The following FARP1 variants were observed in gnomAD, a reference collection of about 807,000 sequenced individuals.
The protein encoded by FARP1 is FERM, ARH/RhoGEF and pleckstrin domain protein 1.
FARP1 carries 52 observed loss-of-function variants against 128.8 expected under a neutral mutation model. That is an observed-to-expected ratio of 0.40 (90% CI 0.32 to 0.51). The LOEUF (loss-of-function observed/expected upper bound fraction) is 0.51, where lower values mean the gene tolerates loss of function less well. Among genes scored for constraint, FARP1 ranks in the 20% least tolerant of loss-of-function variants. FARP1 has a pLI of 0.45. For synonymous variants in FARP1, 580 were observed against 551.8 expected, an observed-to-expected ratio of 1.05 and a Z score of -0.72; for missense variants, 1,333 against 1,367.9, an observed-to-expected ratio of 0.97 and a Z score of 0.40.
chr13:98,424,739 C>T, intron 17 of FARP1, 89 bp downstream of exon 17: 1 of 857,346 alleles, frequency 1.2e-6, no homozygotes, highest in Non-Finnish European at 2.0e-6. Context: ...CCATTTCCAT[C>T]AGCATGCATC....
At chr13:98,338,756 T>A (rs1887843700) in intron 2 of FARP1, 1 of 152,172 alleles carries the variant, frequency 6.6e-6, no homozygotes, top group East Asian at 1.9e-4. Context: ...GCTGCACCAT[T>A]TTGCATTCTG....
intron 3 of FARP1, among the ~76,000 whole-genome samples, chr13:98,360,034 G>T (rs1223425546): frequency 6.7e-6 from 1 of 149,538 alleles, no homozygotes; most frequent in Non-Finnish European, 1.5e-5. Context: ...AATTGTGTGT[G>T]TTGAAACCCT....
chr13:98,227,143 T>C (rs1594294219), intron 2 of FARP1, among the ~76,000 whole-genome samples: 1 of 152,202 alleles, frequency 6.6e-6, no homozygotes, highest in East Asian at 1.9e-4. Flanking sequence ...GGGGTTTCAC[T>C]GTGTTAGTCA....
chr13:98,335,781 G>A (rs536530497), intron 2 of FARP1, among the ~76,000 whole-genome samples: 21 of 152,320 alleles, frequency 1.4e-4, no homozygotes, highest in Admixed American at 1.2e-3. Context: ...GCCCTAAGAT[G>A]AGATGGGTCG....
chr13:98,210,881 A>G (rs116558855), intron 1 of FARP1, among the ~76,000 whole-genome samples: 2,679 of 152,220 alleles, frequency 0.018, 71 homozygotes, highest in African/African-American at 0.061. Context: ...CTTGGTAGCT[A>G]ACCATTTTTA....
At position 98,390,132 on chromosome 13, in the gene FARP1, A is replaced by G; in HGVS notation, c.1019+12A>G. The G allele has an allele frequency of 1.2e-6, 2 of 1,610,748 alleles. No homozygotes were observed. Among genetic ancestry groups the G allele is most frequent in the Non-Finnish European group, 8.5e-7 (1 of 1,178,416 alleles). On this transcript the variant is annotated intron_variant, in intron 10 of 26. Coordinates refer to ENST00000319562, the MANE Select transcript of FARP1 (RefSeq NM_005766.4). ...TCATTTCGGTTCAGGTGAGGTCGCC[A>G]CTTTGTGCCTCTGTTTGCTGGGTGC...
At chr13:98,291,495 C>T (rs775820331) in intron 2 of FARP1, among the ~76,000 whole-genome samples, 16 of 152,124 alleles carry the variant, frequency 1.1e-4, no homozygotes, top group Non-Finnish European at 1.5e-4. Flanking sequence ...TGCTTTCCAT[C>T]GTGGGCAGAG....
chr13:98,233,309 C>G (rs952236), intron 2 of FARP1, among the ~76,000 whole-genome samples: 4,189 of 152,254 alleles, frequency 0.028, 80 homozygotes, highest in Middle Eastern at 0.051. Context: ...GACCTTGATG[C>G]CTGTCAGCCA....
intron 1 of FARP1, among the ~76,000 whole-genome samples, chr13:98,167,895 G>A (rs1002933973): frequency 3.4e-5 from 5 of 149,004 alleles, no homozygotes; most frequent in Admixed American, 2.7e-4. Flanking sequence ...CATGCTGGCC[G>A]GGTGCGGTGG....
chr13:98,367,626 C>T (rs1445599850), intron 4 of FARP1, among the ~76,000 whole-genome samples: 2 of 152,036 alleles, frequency 1.3e-5, no homozygotes, highest in Non-Finnish European at 2.9e-5. Context: ...CCTTGGCTGG[C>T]TGAGACAAAG....
intron 16 of FARP1, among the ~76,000 whole-genome samples, chr13:98,420,845 A>C (rs1312610190): frequency 6.6e-6 from 1 of 152,204 alleles, no homozygotes; most frequent in Non-Finnish European, 1.5e-5. Flanking sequence ...TAGAAGGAAC[A>C]CTTTGGCTTT....
At chr13:98,299,299 C>G (rs947292667) in intron 2 of FARP1, among the ~76,000 whole-genome samples, 2 of 152,118 alleles carry the variant, frequency 1.3e-5, no homozygotes, top group African/African-American at 2.4e-5. Context: ...AACCTTTTCT[C>G]TTCCTCTCTA....
chr13:98,184,883 A>G (rs1452666516), intron 1 of FARP1, among the ~76,000 whole-genome samples: 1 of 152,246 alleles, frequency 6.6e-6, no homozygotes, highest in Non-Finnish European at 1.5e-5. Flanking sequence ...TACTTTGAAC[A>G]GGGAAGAACC....
intron 2 of FARP1, among the ~76,000 whole-genome samples, chr13:98,237,982 C>G (rs1882525918): frequency 6.7e-6 from 1 of 148,484 alleles, no homozygotes; most frequent in Non-Finnish European, 1.5e-5. Context: ...AAAGTCATAC[C>G]TATAGACTCT....
At chr13:98,202,599 C>T (rs1051565574) in intron 1 of FARP1, among the ~76,000 whole-genome samples, 4 of 152,078 alleles carry the variant, frequency 2.6e-5, no homozygotes, top group Non-Finnish European at 4.4e-5. Flanking sequence ...ACTGTGATTT[C>T]ATCTCACTCG....
chr13:98,398,150 C>T (rs1890627200), intron 13 of FARP1: 1 of 152,158 alleles, frequency 6.6e-6, no homozygotes, highest in South Asian at 2.1e-4. Flanking sequence ...GATATCTGTC[C>T]ACATGAATGT....
At chr13:98,232,144 G>GTTTTT (rs1555329634) in intron 2 of FARP1, among the ~76,000 whole-genome samples, 1,454 of 111,394 alleles carry the variant, frequency 0.013, 179 homozygotes, top group African/African-American at 0.049. Flanking sequence ...TTGTTTGGTT[G>GTTTTT]GTTTTTTTTT....
At chr13:98,243,633 G>T (rs370226041) in intron 2 of FARP1, among the ~76,000 whole-genome samples, 1 of 146,738 alleles carries the variant, frequency 6.8e-6, no homozygotes, top group East Asian at 2.0e-4. Flanking sequence ...GGAGGCGGAG[G>T]TTGCAGTGAG....
intron 2 of FARP1, among the ~76,000 whole-genome samples, chr13:98,249,542 T>C (rs1214008705): frequency 6.6e-6 from 1 of 152,216 alleles, no homozygotes; most frequent in Non-Finnish European, 1.5e-5. Flanking sequence ...TTTTTCCTTG[T>C]GGCAACAGAG....
Sources: gnomAD v4.1 joint callset for allele counts (sites outside exome capture counted in the v4.1 genomes callset) on GRCh38, gnomAD v4.1.1 for gene constraint, MANE v1.5 for transcripts, NCBI Gene and HGNC (gene_info 2026-07-23, HGNC 2026-07-21) for gene names.